XYLT1: variants seen among roughly 807,000 people sequenced by gnomAD.
XYLT1 encodes the protein xylosyltransferase 1.
In XYLT1, 36 loss-of-function variants were observed where a neutral mutation model predicts 91.3. The ratio of observed to expected loss-of-function variants is 0.39; its 90% CI spans 0.30 to 0.52. The LOEUF (loss-of-function observed/expected upper bound fraction) is 0.52, where lower values mean the gene tolerates loss of function less well. Ranked by LOEUF, XYLT1 falls within the 20% of genes least tolerant of loss-of-function variation. The probability of loss-of-function intolerance (pLI) is 0.68; values close to 1 mark genes in which losing one functional copy is unlikely to be tolerated. For missense variants in XYLT1, 1,242 were observed against 1,284.5 expected, an observed-to-expected ratio of 0.97 and a Z score of 0.51; for synonymous variants, 588 against 532.0, an observed-to-expected ratio of 1.11 and a Z score of -1.45.
chr16:17,133,596 G>C (rs188492957), intron 9 of XYLT1, among the ~76,000 whole-genome samples: 355 of 152,262 alleles, frequency 2.3e-3, no homozygotes, highest in Non-Finnish European at 3.8e-3. Context: ...GGGGCTAATA[G>C]TATAATGCCA....
intron 10 of XYLT1, among the ~76,000 whole-genome samples, chr16:17,125,320 G>A (rs1209223721): frequency 6.6e-6 from 1 of 152,168 alleles, no homozygotes; most frequent in East Asian, 1.9e-4. Flanking sequence ...GTCCATCCGA[G>A]TGGAAGCTGC....
At chr16:17,358,192 T>G in intron 1 of XYLT1, 142 bp from the exon 2 acceptor site, 1 of 802,696 alleles carries the variant, frequency 1.2e-6, no homozygotes, top group Non-Finnish European at 1.9e-6. Context: ...AGCAGTGGCA[T>G]GATCATAGCT....
chr16:17,164,066 A>G (rs916455531), intron 5 of XYLT1, among the ~76,000 whole-genome samples: 5 of 147,528 alleles, frequency 3.4e-5, no homozygotes, highest in African/African-American at 5.0e-5. Flanking sequence ...AAAAAAAAAA[A>G]AAAGAAAGAC....
chr16:17,379,499 C>T (rs1008950393), intron 1 of XYLT1, among the ~76,000 whole-genome samples: 4 of 152,216 alleles, frequency 2.6e-5, no homozygotes, highest in South Asian at 2.1e-4. Context: ...ACCTGGCCCC[C>T]GGAGGATGCG....
intron 1 of XYLT1, among the ~76,000 whole-genome samples, chr16:17,444,512 C>T (rs866420374): frequency 7.0e-6 from 1 of 143,690 alleles, no homozygotes. Context: ...ACTTCTTCTT[C>T]TTTTTTTTTT....
intron 3 of XYLT1, among the ~76,000 whole-genome samples, chr16:17,256,006 A>C (rs1248464190): frequency 6.6e-6 from 1 of 152,116 alleles, no homozygotes; most frequent in Non-Finnish European, 1.5e-5. Context: ...AGACTGTCTC[A>C]AAAAAACAAA....
chr16:17,461,262 C>G (rs1230125933), intron 1 of XYLT1, among the ~76,000 whole-genome samples: 2 of 152,228 alleles, frequency 1.3e-5, no homozygotes, highest in African/African-American at 4.8e-5. Context: ...ATACTACTTA[C>G]TCCTTGCCCT....
At chr16:17,338,691 G>T (rs185491655) in intron 2 of XYLT1, 194 of 358,230 alleles carry the variant, frequency 5.4e-4, no homozygotes, top group African/African-American at 3.5e-3. Flanking sequence ...TTCAAGCAAT[G>T]CTCCCGTCTC....
chr16:17,116,727 T>G (rs1398562807), intron 11 of XYLT1, among the ~76,000 whole-genome samples: 1 of 152,220 alleles, frequency 6.6e-6, no homozygotes, highest in Non-Finnish European at 1.5e-5. Context: ...TACTAAAACA[T>G]TTTCTAAACT....
intron 1 of XYLT1, chr16:17,369,479 T>A (rs1341055991): frequency 1.3e-5 from 2 of 152,198 alleles, no homozygotes; most frequent in Non-Finnish European, 2.9e-5. Context: ...CCACCTGGGC[T>A]GAGCCCTGAA....
chr16:17,272,524 G>A (rs575075660), intron 2 of XYLT1, among the ~76,000 whole-genome samples: 1 of 152,180 alleles, frequency 6.6e-6, no homozygotes, highest in Non-Finnish European at 1.5e-5. Flanking sequence ...CAGGCACACA[G>A]GTGTCTGGTT....
At chr16:17,342,813 C>T (rs1327598504) in intron 2 of XYLT1, among the ~76,000 whole-genome samples, 1 of 152,136 alleles carries the variant, frequency 6.6e-6, no homozygotes, top group African/African-American at 2.4e-5. Flanking sequence ...GTTGTATCTC[C>T]AGCTCCTAAA....
At chr16:17,207,741 C>CG (rs1181136119) in intron 3 of XYLT1, among the ~76,000 whole-genome samples, 1 of 152,156 alleles carries the variant, frequency 6.6e-6, no homozygotes, top group African/African-American at 2.4e-5. Flanking sequence ...TGCTCTGCAC[C>CG]GCAGCTGCTG....
At chr16:17,442,258 G>A (rs142061795) in intron 1 of XYLT1, among the ~76,000 whole-genome samples, 5 of 152,112 alleles carry the variant, frequency 3.3e-5, no homozygotes, top group Non-Finnish European at 2.9e-5. Flanking sequence ...AACTGTATGC[G>A]TGTGTCTCAT....
intron 10 of XYLT1, among the ~76,000 whole-genome samples, chr16:17,126,207 T>C (rs7206243): frequency 0.65 from 98,315 of 151,618 alleles, 32,776 homozygotes; most frequent in Non-Finnish European, 0.71. Flanking sequence ...GTGAGGACCA[T>C]CCCCCAAAAG....
intron 1 of XYLT1, among the ~76,000 whole-genome samples, chr16:17,461,704 A>T (rs2036825801): frequency 6.6e-6 from 1 of 152,016 alleles, no homozygotes; most frequent in South Asian, 2.1e-4. Context: ...AGATGGAGGC[A>T]GGGGGAGAAT....
intron 1 of XYLT1, among the ~76,000 whole-genome samples, chr16:17,403,906 C>T (rs1035624350): frequency 1.2e-4 from 18 of 152,204 alleles, no homozygotes; most frequent in African/African-American, 2.7e-4. Context: ...CAGCTTGAAA[C>T]GCTGGACTTG....
chr16:17,155,012 T>C (rs1475039739), intron 6 of XYLT1, among the ~76,000 whole-genome samples: 1 of 152,194 alleles, frequency 6.6e-6, no homozygotes, highest in Non-Finnish European at 1.5e-5. Flanking sequence ...GGAAGGGAAT[T>C]TGGAGACTTT....
At chr16:17,182,840 G>T (rs932902666) in intron 5 of XYLT1, among the ~76,000 whole-genome samples, 10 of 152,130 alleles carry the variant, frequency 6.6e-5, no homozygotes, top group African/African-American at 2.2e-4. Context: ...ATGGGAACAG[G>T]ATTACAAAGG....
Sources: gnomAD v4.1 joint callset for allele counts (sites outside exome capture counted in the v4.1 genomes callset) on GRCh38, gnomAD v4.1.1 for gene constraint, MANE v1.5 for transcripts, NCBI Gene and HGNC (gene_info 2026-07-23, HGNC 2026-07-21) for gene names.